Variants in SPATA22 observed in about 807,000 individuals in gnomAD.
SPATA22 encodes the protein spermatogenesis-associated protein 22.
Under a neutral mutation model 47.8 loss-of-function variants are expected in SPATA22, and 29 were observed. The ratio of observed to expected loss-of-function variants is 0.61; its 90% CI spans 0.45 to 0.83. SPATA22 has a LOEUF of 0.83. Among genes scored for constraint, SPATA22 ranks in the 40% least tolerant of loss-of-function variants. The pLI is 0.00. For synonymous variants in SPATA22, 133 were observed against 140.9 expected (o/e 0.94, Z 0.40); for missense variants, 410 against 421.7 (o/e 0.97, Z 0.24).
chr17:3,482,641 T>C (rs960763281), intron 1 of SPATA22, among the ~76,000 whole-genome samples: 3 of 152,174 alleles, frequency 2.0e-5, no homozygotes, highest in African/African-American at 7.2e-5. Context: ...AAGCCTTAAA[T>C]GACATAAAGT....
chr17:3,470,196 A>T (rs1049229309), intron 1 of SPATA22, among the ~76,000 whole-genome samples: 1 of 152,092 alleles, frequency 6.6e-6, no homozygotes, highest in African/African-American at 2.4e-5. Context: ...AAGTGAAACA[A>T]GTTTTTCCTT....
intron 1 of SPATA22, among the ~76,000 whole-genome samples, chr17:3,498,404 T>G (rs1400835224): frequency 6.6e-6 from 1 of 152,164 alleles, no homozygotes; most frequent in East Asian, 1.9e-4. Context: ...TGGAGTGCAG[T>G]GGTGTGAACA....
chr17:3,497,669 C>T (rs1440305065), intron 1 of SPATA22, among the ~76,000 whole-genome samples: 2 of 152,148 alleles, frequency 1.3e-5, no homozygotes, highest in Non-Finnish European at 2.9e-5. Flanking sequence ...GAGAAAACTG[C>T]GGTGATGCGG....
chr17:3,484,155 C>G (rs2073680812), intron 1 of SPATA22, among the ~76,000 whole-genome samples: 1 of 152,140 alleles, frequency 6.6e-6, no homozygotes, highest in Non-Finnish European at 1.5e-5. Flanking sequence ...CACAATTCTT[C>G]TCATTCTCAA....
chr17:3,504,448 G>A (rs1391550168), intron 1 of SPATA22, among the ~76,000 whole-genome samples: 1 of 150,064 alleles, frequency 6.7e-6, no homozygotes, highest in Non-Finnish European at 1.5e-5. Context: ...GAAACACTTC[G>A]TTTTACACCC....
chr17:3,481,812 T>A, intron 1 of SPATA22: 1 of 1,566,596 alleles, frequency 6.4e-7, no homozygotes, highest in Non-Finnish European at 8.7e-7. Context: ...ATGTTAATGT[T>A]ATTAATTTAT....
chr17:3,500,572 G>C (rs371742368), intron 1 of SPATA22: 2 of 151,850 alleles, frequency 1.3e-5, no homozygotes, highest in Non-Finnish European at 2.9e-5. Flanking sequence ...GCGCAATCTC[G>C]GCTCACTGCA....
At chr17:3,470,236 T>G (rs898314951) in intron 1 of SPATA22, among the ~76,000 whole-genome samples, 1 of 152,318 alleles carries the variant, frequency 6.6e-6, no homozygotes, top group Non-Finnish European at 1.5e-5. Flanking sequence ...AGAATTTCTC[T>G]TGTAATTTTG....
intron 1 of SPATA22, among the ~76,000 whole-genome samples, chr17:3,491,933 A>G (rs1161614065): frequency 3.1e-5 from 4 of 131,006 alleles, no homozygotes; most frequent in Non-Finnish European, 6.2e-5. Context: ...GCTGGAGTGC[A>G]GTGGTCCAAT....
Position 3,446,471 on chromosome 17 carries a change from C to T in SPATA22, c.802+1G>A, listed in dbSNP as rs1427514591. The T allele has an allele frequency of 6.2e-7, 1 of 1,604,326 alleles. No individual in the cohort carries two copies. The highest frequency in any genetic ancestry group is 8.5e-7 in the Non-Finnish European group (1 of 1,176,680). ...AAGTATTTTTAAAGTATTTTACCTA[C>T]CTAATACTTCAAAAAGAAGTACAGT... On this transcript the variant is annotated splice_donor_variant, in intron 7 of 8. Coordinates refer to ENST00000572969, the MANE Select transcript of SPATA22 (RefSeq NM_001170698.2). LOFTEE classifies it high-confidence loss of function.
chr17:3,507,737 G>T (rs1297486491), intron 1 of SPATA22, among the ~76,000 whole-genome samples: 5 of 152,198 alleles, frequency 3.3e-5, no homozygotes, highest in African/African-American at 1.2e-4. Context: ...TAACCAACAT[G>T]ACCGGAAGAG....
rs1465767217 is a variant in SPATA22, at chr17:3,485,454, A to C, written c.-73-16056T>G. Among the ~76,000 whole-genome samples, 2 of 152,230 alleles carry C rather than the reference A, an allele frequency of 1.3e-5. No homozygotes were observed. The highest frequency in any genetic ancestry group is 2.9e-5 in the Non-Finnish European group (2 of 68,042). On this transcript the variant is annotated intron_variant, in intron 1 of 8. Transcript: ENST00000541913. The surrounding 1 kb of genome is among the most constrained non-coding windows in gnomAD (Gnocchi z 4.4). ...CTTGAACCCCGGAGGTGGAGGTTGC[A>C]GTGAGCCGAGATCATGCCATTGCAC... is the stretch of plus-strand genomic sequence containing the variant.
intron 1 of SPATA22, among the ~76,000 whole-genome samples, chr17:3,476,941 G>A (rs570615201): frequency 6.6e-6 from 1 of 152,294 alleles, no homozygotes; most frequent in Admixed American, 6.5e-5. Flanking sequence ...GGATCACGAG[G>A]TCAGGAGATC....
chr17:3,479,883 GA>G (rs1193594933), intron 1 of SPATA22, among the ~76,000 whole-genome samples: 1 of 147,840 alleles, frequency 6.8e-6, no homozygotes, highest in African/African-American at 2.4e-5. Flanking sequence ...AAAAGTAAAT[GA>G]AAAACATTAT....
intron 3 of SPATA22, among the ~76,000 whole-genome samples, chr17:3,464,873 C>T (rs1448244707): frequency 2.6e-5 from 3 of 113,658 alleles, no homozygotes; most frequent in Non-Finnish European, 4.4e-5. Flanking sequence ...GCAGCCACCC[C>T]GTCTGGGAGG....
In SPATA22 at chr17:3,448,855, T is replaced by A; in HGVS notation, c.624A>T (p.Gln208His). Reference protein sequence around the residue: ...QTLKPNFQQNQYKKQMLDDIP... With the variant: ...QTLKPNFQQNHYKKQMLDDIP... ...TATCATCCAACATTTGTTTCTTATA[T>A]TGATTTTGTTGAAAATTGGGCTTAA... Residue 208 changes from glutamine to histidine, a missense_variant, in exon 6 of 9, where the codon CAA (glutamine) becomes CAT (histidine). Physicochemically the swap from Gln to His is conservative, Grantham distance 24. Transcript: ENST00000572969. The A allele has an allele frequency of 6.2e-7, 1 of 1,612,968 alleles. No homozygotes were observed. The highest frequency in any genetic ancestry group is 8.5e-7 in the Non-Finnish European group (1 of 1,179,576).
rs781101461 is a variant in SPATA22 at position 3,485,509 on chromosome 17, G to A, written c.-73-16111C>T. Among the ~76,000 whole-genome samples the A allele has an allele frequency of 3.9e-5, 6 of 152,088 alleles. No homozygotes were observed. Among genetic ancestry groups the A allele is most frequent in the African/African-American group, 1.2e-4 (5 of 41,428 alleles). On this transcript the variant is annotated intron_variant, in intron 1 of 8. Transcript: ENST00000541913. The surrounding 1 kb of genome is among the most constrained non-coding windows in gnomAD (Gnocchi z 4.4). ...GCCGGGGCAACAAAAGTGAAACTCC[G>A]TCTCAAAAAAACAAACAAACAAAAA...
At chr17:3,498,847 GA>G in intron 1 of SPATA22, 1 of 1,440,350 alleles carries the variant, frequency 6.9e-7, no homozygotes, top group East Asian at 2.5e-5. Flanking sequence ...TTTTAGAGGA[GA>G]AAAACCAAAT....
In SPATA22 at chr17:3,488,810, A is replaced by G. The variant is rs927152622; in HGVS notation, c.-73-19412T>C. ...CTGGATTTCTGTGAAATCTATAAAA[A>G]TAGATGTCCTTCCTCCCGTCACAGC... On this transcript the variant is annotated intron_variant, in intron 1 of 8. Transcript: ENST00000541913. The surrounding 1 kb of genome is among the most constrained non-coding windows in gnomAD (Gnocchi z 6.1). Among the ~76,000 whole-genome samples the G allele has an allele frequency of 1.3e-5, 2 of 152,220 alleles. No individual in the cohort carries two copies. Among genetic ancestry groups the G allele is most frequent in the African/African-American group, 2.4e-5 (1 of 41,464 alleles).
Sources: allele counts gnomAD v4.1 joint callset (sites outside exome capture counted in the v4.1 genomes callset), GRCh38; gene constraint gnomAD v4.1.1; non-coding constraint Gnocchi (gnomAD v3.1); transcripts MANE v1.5; gene names NCBI Gene and HGNC (gene_info 2026-07-23, HGNC 2026-07-21).